LMBRD2: variants seen among roughly 807,000 people sequenced by gnomAD.
LMBRD2 encodes the protein G protein-coupled receptor-associated protein LMBRD2.
In LMBRD2, 55 loss-of-function variants were observed where a neutral mutation model predicts 94.4. The observed-to-expected ratio is 0.58, with a 90% CI of 0.47 to 0.73. The LOEUF is 0.73. Ranked by LOEUF, LMBRD2 falls within the 30% of genes least tolerant of loss-of-function variation. LMBRD2 has a pLI of 0.00. For missense variants in LMBRD2, 640 were observed against 831.9 expected (o/e 0.77, Z 2.84); for synonymous variants, 246 against 272.4 (o/e 0.90, Z 0.95).
intron 13 of LMBRD2, among the ~76,000 whole-genome samples, chr5:36,113,673 T>C (rs1386680236): frequency 6.6e-6 from 1 of 152,178 alleles, no homozygotes; most frequent in Admixed American, 6.6e-5. Flanking sequence ...TAAAATTTAT[T>C]TTTCTCAGAA....
chr5:36,122,611 T>C lies in LMBRD2; in HGVS notation c.937-148A>G, dbSNP rs946713848. On this transcript the variant is annotated intron_variant, in intron 8 of 17. Transcript: ENST00000296603. ...GGCTGAGAATATTAATGTTCCAAAA[T>C]GATGTAACAGTTTTATATAATGTAA... is the stretch of plus-strand genomic sequence containing the variant. 1.1e-5 allele frequency: 10 copies of C among 877,348 alleles called. No individual in the cohort carries two copies. The African/African-American group carries it at 1.7e-4, about 15-fold the overall frequency. The allele number at this position is 877,348 out of a possible 1,614,324, so 54.3% of individuals were successfully genotyped here.
At chr5:36,106,388 T>TC (rs1465411663) in intron 16 of LMBRD2, among the ~76,000 whole-genome samples, 1 of 152,034 alleles carries the variant, frequency 6.6e-6, no homozygotes, top group African/African-American at 2.4e-5. Context: ...TAGTCTCACT[T>TC]CCCCAAGAAT....
intron 6 of LMBRD2, among the ~76,000 whole-genome samples, chr5:36,128,229 G>A (rs565191633): frequency 1.1e-4 from 17 of 152,300 alleles, no homozygotes; most frequent in Admixed American, 3.9e-4. Flanking sequence ...TATAGATACA[G>A]CTGTAGTGAC....
chr5:36,136,416 A>G lies in LMBRD2; in HGVS notation c.640T>C (p.Trp214Arg), dbSNP rs368205857. The G allele has an allele frequency of 1.2e-6, 2 of 1,613,942 alleles. No individual in the cohort carries two copies. Among genetic ancestry groups the G allele is most frequent in the African/African-American group, 2.7e-5 (2 of 74,912 alleles). ...AGATAACCCCTTTTTGCTCCATTCC[A>G]GTATGATCGAGGAATTTCCACCAAG... ...YGLVEIPRSY[W>R]NGAKRGYLLM... is the part of the protein sequence containing the mutation. Residue 214 changes from tryptophan to arginine, a missense_variant, in exon 6 of 18, where the codon TGG becomes CGG. Physicochemically the swap from Trp to Arg is moderately radical, Grantham distance 101. This residue lies in a region of LMBRD2 where 457 missense variants were observed against 642.8 expected (regional missense o/e 0.71). Transcript: ENST00000296603.
At chr5:36,134,578 C>T (rs1744225927) in intron 6 of LMBRD2, among the ~76,000 whole-genome samples, 1 of 152,082 alleles carries the variant, frequency 6.6e-6, no homozygotes, top group African/African-American at 2.4e-5. Flanking sequence ...CACTGGCACG[C>T]AGGGAGAACA....
chr5:36,117,024 G>C (rs911465048), intron 10 of LMBRD2, among the ~76,000 whole-genome samples: 2 of 151,986 alleles, frequency 1.3e-5, no homozygotes, highest in Non-Finnish European at 2.9e-5. Context: ...TTGAAATACA[G>C]TAATAGAGAA....
At position 36,100,838 on chromosome 5, in the gene LMBRD2, A is replaced by G. The variant is rs1172297939; in HGVS notation, c.*3208T>C. The G allele has an allele frequency of 1.3e-5, 2 of 152,076 alleles. No homozygotes were observed. The highest frequency in any genetic ancestry group is 2.9e-5 in the Non-Finnish European group (2 of 67,956). 9.4% of individuals were successfully genotyped at this position (152,076 alleles called of 1,614,324 possible). A position where few individuals can be genotyped will look rare whatever the true frequency, so the allele number is the denominator to read the frequency against. ...GCAAGAACATTCCCTAAACCTATTA[A>G]TAAGAATGAGGTTTGTAACTGAATG... On this transcript the variant is annotated 3_prime_UTR_variant, in exon 18 of 18. Transcript: ENST00000296603.
At chr5:36,129,233 G>A (rs1744078015) in intron 6 of LMBRD2, among the ~76,000 whole-genome samples, 1 of 152,074 alleles carries the variant, frequency 6.6e-6, no homozygotes, top group Admixed American at 6.5e-5. Flanking sequence ...CCTAGAGAAA[G>A]ATATCAATAT....
chr5:36,143,020 C>T (rs1326668745), intron 2 of LMBRD2, among the ~76,000 whole-genome samples, 156 bp downstream of exon 2: 2 of 152,076 alleles, frequency 1.3e-5, no homozygotes, highest in South Asian at 2.1e-4. Context: ...CCACCACGCC[C>T]GGCCCTTGGC....
At position 36,108,573 on chromosome 5, in the gene LMBRD2, G is replaced by T; in HGVS notation, c.1858C>A (p.Pro620Thr). 1 of 1,592,996 alleles carries T rather than the reference G, an allele frequency of 6.3e-7. No individual in the cohort carries two copies. Among genetic ancestry groups the T allele is most frequent in the Non-Finnish European group, 8.6e-7 (1 of 1,165,728 alleles). The change falls in exon 16 of 18, where the codon CCC (proline) becomes ACC (threonine). Residue 620 changes from proline to threonine, a missense_variant. Physicochemically the swap from Pro to Thr is conservative, Grantham distance 38 (BLOSUM62 -1). Transcript: ENST00000296603. ...STRNRNIHTD[P>T]KESNFSDVNT... Reference sequence around the variant, plus strand: ...ACATCTGAGAAGTTTGACTCTTTGGGGTCAGTATGAATATTTCTGTTCCTA... The same window carrying T: ...ACATCTGAGAAGTTTGACTCTTTGGTGTCAGTATGAATATTTCTGTTCCTA...
At chr5:36,131,514 G>T (rs1001705258) in intron 6 of LMBRD2, among the ~76,000 whole-genome samples, 5 of 151,834 alleles carry the variant, frequency 3.3e-5, no homozygotes, top group Admixed American at 3.3e-4. Context: ...AGATATAAAG[G>T]GCATCAAAAT....
At chr5:36,144,992 A>G (rs1256818063) in intron 1 of LMBRD2, among the ~76,000 whole-genome samples, 1 of 152,264 alleles carries the variant, frequency 6.6e-6, no homozygotes, top group East Asian at 1.9e-4. Context: ...TTATCCTGCT[A>G]TATTTTCCTT....
At chr5:36,109,396 A>T (rs1743550505) in intron 15 of LMBRD2, among the ~76,000 whole-genome samples, 1 of 152,128 alleles carries the variant, frequency 6.6e-6, no homozygotes, top group Admixed American at 6.6e-5. Flanking sequence ...ATATATGAAG[A>T]TACACAAAGA....
At chr5:36,112,196 T>C (rs1743627099) in intron 13 of LMBRD2, among the ~76,000 whole-genome samples, 1 of 152,184 alleles carries the variant, frequency 6.6e-6, no homozygotes, top group African/African-American at 2.4e-5. Context: ...AAAAATGTTT[T>C]TTATGCATTA....
At chr5:36,121,203 G>C (rs1422673344) in intron 9 of LMBRD2, among the ~76,000 whole-genome samples, 1 of 152,096 alleles carries the variant, frequency 6.6e-6, no homozygotes. Context: ...TATATACCAA[G>C]CTACCCAGCA....
rs1283182674 is a variant in LMBRD2 at position 36,122,979 on chromosome 5, T to G, written c.823-18A>C. 1 of 1,362,076 alleles carries G rather than the reference T, an allele frequency of 7.3e-7. No homozygotes were observed. Among genetic ancestry groups the G allele is most frequent in the Non-Finnish European group, 9.8e-7 (1 of 1,023,350 alleles). 84.4% of individuals were successfully genotyped at this position (1,362,076 alleles called of 1,614,324 possible). ...GTAGGGCACTAAAAAAAAAAAAAAG[T>G]AGATTTTTAAAAATCTTAATTGTAA... On this transcript the variant is annotated intron_variant, in intron 7 of 17. Coordinates refer to ENST00000296603, the MANE Select transcript of LMBRD2 (RefSeq NM_001007527.2).
intron 8 of LMBRD2, 98 bp downstream of exon 8, chr5:36,122,750 A>T: frequency 7.2e-7 from 1 of 1,398,590 alleles, no homozygotes; most frequent in Non-Finnish European, 9.5e-7. Context: ...AGGAAGTTTT[A>T]AATACACATT....
rs1231735639 is a variant in LMBRD2 at position 36,114,459 on chromosome 5, C to T, written c.1605G>A (p.Met535Ile). 5 of 1,563,296 alleles carry T rather than the reference C, an allele frequency of 3.2e-6. No homozygotes were observed. The highest frequency in any genetic ancestry group is 3.4e-6 in the Non-Finnish European group (4 of 1,160,838). ...TAGCAATGCAGAGAATTACCACCAA[C>T]ATAGGATAATATATATAGAATCCAT... is the stretch of plus-strand genomic sequence containing the variant. ...IADGFYIYYP[M>I]LVVILCIATY... The change falls in exon 13 of 18, where the codon ATG becomes ATA. Residue 535 changes from methionine to isoleucine, a missense_variant. Physicochemically the swap from Met to Ile is conservative, Grantham distance 10. Coordinates refer to ENST00000296603, the MANE Select transcript of LMBRD2 (RefSeq NM_001007527.2).
intron 6 of LMBRD2, among the ~76,000 whole-genome samples, chr5:36,126,598 T>C (rs1744013185): frequency 6.6e-6 from 1 of 152,140 alleles, no homozygotes; most frequent in East Asian, 1.9e-4. Context: ...TCTAGAAAAA[T>C]GATAAAAGGT....
Sources: allele counts gnomAD v4.1 joint callset (sites outside exome capture counted in the v4.1 genomes callset), GRCh38; gene constraint gnomAD v4.1.1; regional missense constraint gnomAD v4.1.1; transcripts MANE v1.5; gene names NCBI Gene and HGNC (gene_info 2026-07-23, HGNC 2026-07-21).